GFRA1: variants seen among roughly 807,000 people sequenced by gnomAD.
The protein encoded by GFRA1 is GDNF family receptor alpha-1.
A neutral mutation model predicts 51.6 loss-of-function variants in GFRA1; 16 were observed. That is an observed-to-expected ratio of 0.31 (90% CI 0.21 to 0.47). GFRA1 has a LOEUF of 0.47. Among genes scored for constraint, GFRA1 ranks in the 20% least tolerant of loss-of-function variants. The pLI is 1.00. For missense variants in GFRA1, 530 were observed against 594.3 expected (o/e 0.89, Z 1.13); for synonymous variants, 270 against 241.3 (o/e 1.12, Z -1.10).
chr10:116,168,950 C>G (rs955026297), intron 5 of GFRA1, among the ~76,000 whole-genome samples: 1 of 152,116 alleles, frequency 6.6e-6, no homozygotes, highest in Non-Finnish European at 1.5e-5. Context: ...AAAACAAAAC[C>G]CTTAGTGATA....
At chr10:116,257,210 C>T (rs1185196779) in intron 4 of GFRA1, among the ~76,000 whole-genome samples, 1 of 152,176 alleles carries the variant, frequency 6.6e-6, no homozygotes, top group Non-Finnish European at 1.5e-5. Flanking sequence ...CAGCCGAGGC[C>T]CTTCAGGATG....
chr10:116,162,741 T>C (rs1162224733), intron 5 of GFRA1, among the ~76,000 whole-genome samples: 14 of 152,086 alleles, frequency 9.2e-5, no homozygotes, highest in Non-Finnish European at 2.9e-5. Context: ...CTTATGAATA[T>C]ACTTAAAAAA....
At chr10:116,126,243 T>C (rs1957869861) in intron 5 of GFRA1, among the ~76,000 whole-genome samples, 1 of 152,254 alleles carries the variant, frequency 6.6e-6, no homozygotes, top group Admixed American at 6.5e-5. Context: ...AGGTTCTAGA[T>C]TAGAAAAATT....
At chr10:116,219,989 C>T (rs1965814489) in intron 4 of GFRA1, among the ~76,000 whole-genome samples, 1 of 152,260 alleles carries the variant, frequency 6.6e-6, no homozygotes, top group African/African-American at 2.4e-5. Flanking sequence ...TCTCTAAGGT[C>T]CCTTCCAGTT....
In GFRA1 at chr10:116,060,923, A is replaced by C. The variant is rs1490645809; in HGVS notation, c.*3475T>G. 1 of 152,178 alleles carries C rather than the reference A, an allele frequency of 6.6e-6. No individual in the cohort carries two copies. The highest frequency in any genetic ancestry group is 2.4e-5 in the African/African-American group (1 of 41,450). 9.4% of individuals were successfully genotyped at this position (152,178 alleles called of 1,614,324 possible). A position where few individuals can be genotyped will look rare whatever the true frequency, so the allele number is the denominator to read the frequency against. On this transcript the variant is annotated 3_prime_UTR_variant, in exon 11 of 11. Coordinates refer to ENST00000355422, the MANE Select transcript of GFRA1 (RefSeq NM_005264.8). The stretch of plus-strand genomic sequence containing the variant: ...TACATTTCCGCTGAATTCTGAGAAA[A>C]GAATTCGCTAATTATATAAACTCCC...
At chr10:116,181,632 T>TG (rs1036266713) in intron 5 of GFRA1, among the ~76,000 whole-genome samples, 10 of 151,312 alleles carry the variant, frequency 6.6e-5, no homozygotes, top group South Asian at 2.1e-4. Context: ...GAGGTTTTTT[T>TG]TTGTTGTTTT....
chr10:116,261,556 CTTT>C (rs1260140965), intron 4 of GFRA1, among the ~76,000 whole-genome samples: 1 of 152,074 alleles, frequency 6.6e-6, no homozygotes, highest in Non-Finnish European at 1.5e-5. Context: ...TTCTTTTGTA[CTTT>C]ATCTTCTTCC....
intron 4 of GFRA1, among the ~76,000 whole-genome samples, chr10:116,212,627 T>C (rs769661423): frequency 1.3e-5 from 2 of 151,838 alleles, no homozygotes; most frequent in Non-Finnish European, 2.9e-5. Flanking sequence ...AGAAATTCAA[T>C]GGCCTGGTTT....
intron 5 of GFRA1, among the ~76,000 whole-genome samples, chr10:116,209,061 G>A (rs966924291): frequency 6.6e-6 from 1 of 152,118 alleles, no homozygotes; most frequent in East Asian, 1.9e-4. Context: ...AAGCCCACCG[G>A]TCCTTAACTG....
At chr10:116,178,405 TG>T (rs951254777) in intron 5 of GFRA1, among the ~76,000 whole-genome samples, 1 of 152,236 alleles carries the variant, frequency 6.6e-6, no homozygotes, top group African/African-American at 2.4e-5. Flanking sequence ...GAATGTCTCT[TG>T]GCCAGATGCC....
At chr10:116,072,308 G>A (rs1955437065) in intron 9 of GFRA1, among the ~76,000 whole-genome samples, 4 of 152,172 alleles carry the variant, frequency 2.6e-5, no homozygotes, top group Admixed American at 2.0e-4. Context: ...CACTAGTGTG[G>A]CCCGTGGAGT....
chr10:116,150,923 G>A (rs4396202), intron 5 of GFRA1, among the ~76,000 whole-genome samples: 152,027 of 152,268 alleles, frequency 1, 75,894 homozygotes, highest in Non-Finnish European at 1. Context: ...TTTTATTTTC[G>A]CATCGAAAAT....
At chr10:116,168,513 C>T (rs969854174) in intron 5 of GFRA1, among the ~76,000 whole-genome samples, 9 of 152,184 alleles carry the variant, frequency 5.9e-5, no homozygotes, top group African/African-American at 2.2e-4. Flanking sequence ...TGTCTACCTA[C>T]TGTTGTGTCA....
At chr10:116,166,790 TTTTTTTTTTTTTTTTTTTTTTTTTG>T (rs2134204419) in intron 5 of GFRA1, among the ~76,000 whole-genome samples, 1 of 63,850 alleles carries the variant, frequency 1.6e-5, no homozygotes, top group South Asian at 7.3e-4. Flanking sequence ...CTTTTTTTTT[TTTTTTTTTTTTTTTTTTTTTTTTTG>T]TTGAGACGGA....
At position 116,064,309 on chromosome 10, in the gene GFRA1, A is replaced by G. The variant is rs886981; in HGVS notation, c.*89T>C. ...GAACTGTTTCTCAACTGAGCTCCTA[A>G]ACTGGAATTTCAGCTATACAAGAGA... On this transcript the variant is annotated 3_prime_UTR_variant, in exon 11 of 11. Coordinates refer to ENST00000355422, the MANE Select transcript of GFRA1 (RefSeq NM_005264.8). 2.5e-6 allele frequency: 3 copies of G among 1,196,918 alleles called. No individual in the cohort carries two copies. The Admixed American group carries it at 5.7e-5, about 23-fold the overall frequency. The allele number at this position is 1,196,918 out of a possible 1,614,324, so 74.1% of individuals were successfully genotyped here.
At chr10:116,077,548 G>A (rs1432682038) in intron 9 of GFRA1, among the ~76,000 whole-genome samples, 3 of 152,114 alleles carry the variant, frequency 2.0e-5, no homozygotes, top group African/African-American at 7.2e-5. Context: ...GCTATAAAAT[G>A]CCGTATTATT....
At chr10:116,165,612 G>T (rs990650937) in intron 5 of GFRA1, among the ~76,000 whole-genome samples, 1 of 151,362 alleles carries the variant, frequency 6.6e-6, no homozygotes. Flanking sequence ...TAGTTGTTCT[G>T]CCTTGGTGTC....
At chr10:116,165,659 T>TCACA (rs945618435) in intron 5 of GFRA1, among the ~76,000 whole-genome samples, 5 of 32,460 alleles carry the variant, frequency 1.5e-4, no homozygotes, top group South Asian at 1.8e-3. Context: ...GCTCTTTCTC[T>TCACA]CACTCTCACA....
chr10:116,158,703 A>G (rs918986623), intron 5 of GFRA1, among the ~76,000 whole-genome samples: 1 of 152,198 alleles, frequency 6.6e-6, no homozygotes, highest in African/African-American at 2.4e-5. Context: ...CAAACAAGGA[A>G]GTCCGGGAGA....
Sources: allele counts gnomAD v4.1 joint callset (sites outside exome capture counted in the v4.1 genomes callset), GRCh38; gene constraint gnomAD v4.1.1; transcripts MANE v1.5; gene names NCBI Gene and HGNC (gene_info 2026-07-23, HGNC 2026-07-21).